The following DNAH11 variants were observed in gnomAD, a reference collection of about 807,000 sequenced individuals.
DNAH11 encodes axonemal beta dynein heavy chain 11.
A neutral mutation model predicts 526.0 loss-of-function variants in DNAH11; 442 were observed. The observed-to-expected ratio is 0.84, with a 90% CI of 0.78 to 0.91. The LOEUF (loss-of-function observed/expected upper bound fraction) is 0.91, where lower values mean the gene tolerates loss of function less well. DNAH11 is among the 40% of genes least tolerant of loss of function. The pLI is 0.00. For synonymous variants in DNAH11, 2,461 were observed against 1,935.9 expected, an observed-to-expected ratio of 1.27 and a Z score of -7.12; for missense variants, 6,989 against 5,448.7, an observed-to-expected ratio of 1.28 and a Z score of -8.90.
At chr7:21,778,519 G>A (rs560523580) in intron 56 of DNAH11, among the ~76,000 whole-genome samples, 16 of 152,146 alleles carry the variant, frequency 1.1e-4, no homozygotes, top group Non-Finnish European at 2.1e-4. Context: ...GAGCATTCAT[G>A]TCGTCAACTT....
intron 39 of DNAH11, among the ~76,000 whole-genome samples, chr7:21,707,172 C>G (rs977925475): frequency 1.3e-5 from 2 of 152,188 alleles, no homozygotes; most frequent in African/African-American, 4.8e-5. Context: ...GTCTCTAGGT[C>G]TCAAAGCATG....
At chr7:21,723,008 C>G (rs1288354254) in intron 44 of DNAH11, among the ~76,000 whole-genome samples, 1 of 152,190 alleles carries the variant, frequency 6.6e-6, no homozygotes, top group Non-Finnish European at 1.5e-5. Context: ...CTGGATATCA[C>G]TGGCACCTTC....
chr7:21,802,349 C>T (rs547410010), intron 62 of DNAH11, among the ~76,000 whole-genome samples: 85 of 152,174 alleles, frequency 5.6e-4, no homozygotes, highest in Non-Finnish European at 9.0e-4. Context: ...TATTGGCAAA[C>T]GCTATGGGGA....
chr7:21,665,188 T>C (rs1230790337), intron 30 of DNAH11, among the ~76,000 whole-genome samples: 3 of 152,010 alleles, frequency 2.0e-5, no homozygotes, highest in Non-Finnish European at 4.4e-5. Context: ...ACCTTTCTCA[T>C]GTTTGGCTAT....
intron 30 of DNAH11, among the ~76,000 whole-genome samples, chr7:21,666,770 G>A (rs963952761): frequency 1.1e-4 from 16 of 149,550 alleles, no homozygotes; most frequent in Non-Finnish European, 2.4e-4. Flanking sequence ...TTTTTTTTTG[G>A]CCTTTATATA....
chr7:21,637,513 T>G, intron 26 of DNAH11, 98 bp from the exon 27 acceptor site: 1 of 876,706 alleles, frequency 1.1e-6, no homozygotes, highest in Non-Finnish European at 1.9e-6. Context: ...ACCTTGCCTC[T>G]TCATTCTTTG....
intron 20 of DNAH11, among the ~76,000 whole-genome samples, chr7:21,607,779 TAAA>T (rs930863000): frequency 1.4e-5 from 2 of 148,068 alleles, no homozygotes; most frequent in African/African-American, 5.0e-5. Context: ...AAATAAAAAT[TAAA>T]AAAAAAATTG....
intron 25 of DNAH11, among the ~76,000 whole-genome samples, chr7:21,634,172 G>T (rs1222650668): frequency 3.9e-5 from 6 of 152,206 alleles, no homozygotes; most frequent in Admixed American, 3.3e-4. Flanking sequence ...TTTATTCAGT[G>T]TGAAGGACAT....
chr7:21,711,563 T>G, intron 41 of DNAH11, 149 bp from the exon 42 acceptor site: 1 of 1,090,794 alleles, frequency 9.2e-7, no homozygotes, highest in South Asian at 2.5e-5. Flanking sequence ...ATCTCAGGGG[T>G]GAGCTTAGAT....
intron 73 of DNAH11, among the ~76,000 whole-genome samples, chr7:21,872,122 T>C (rs1349485945): frequency 2.0e-4 from 1 of 4,972 alleles, no homozygotes; most frequent in African/African-American, 5.7e-4. Flanking sequence ...AGACTCTGTC[T>C]CAAAAAAAAA....
chr7:21,580,484 C>T (rs1487685735), intron 8 of DNAH11, among the ~76,000 whole-genome samples: 2 of 152,144 alleles, frequency 1.3e-5, no homozygotes, highest in Non-Finnish European at 2.9e-5. Flanking sequence ...GCATAAGGTG[C>T]CCTCTGTTTA....
chr7:21,842,842 C>T, intron 66 of DNAH11, 94 bp downstream of exon 66: 1 of 1,062,974 alleles, frequency 9.4e-7, no homozygotes, highest in Non-Finnish European at 1.3e-6. Context: ...GGATTCCTGC[C>T]CTCTAGAATC....
Position 21,629,126 on chromosome 7 carries a change from A to G in DNAH11, c.4501-6745A>G, listed in dbSNP as rs141540987. Among the ~76,000 whole-genome samples, 77 of 152,148 alleles carry G rather than the reference A, an allele frequency of 5.1e-4. No individual in the cohort carries two copies. The Middle Eastern group carries it at 0.014, about 27-fold the overall frequency. On this transcript the variant is annotated intron_variant, in intron 25 of 81. Transcript: ENST00000409508. ...TATTTCCATTTTAATTTGTTTCAGA[A>G]AATTTTTACATTTGCTTCTTAATTT...
chr7:21,801,532 G>A (rs1458704844), intron 62 of DNAH11, among the ~76,000 whole-genome samples: 2 of 152,156 alleles, frequency 1.3e-5, no homozygotes, highest in Non-Finnish European at 2.9e-5. Context: ...TACTTTATCA[G>A]AATTTAGTGG....
intron 81 of DNAH11, 79 bp from the exon 82 acceptor site, chr7:21,900,928 T>C (rs1448777325): frequency 5.7e-6 from 8 of 1,401,690 alleles, no homozygotes; most frequent in Middle Eastern, 1.9e-4. Context: ...TGAATGTTTA[T>C]TGCATCAAAC....
At chr7:21,813,876 C>A (rs1221513307) in intron 63 of DNAH11, among the ~76,000 whole-genome samples, 1 of 152,092 alleles carries the variant, frequency 6.6e-6, no homozygotes, top group Non-Finnish European at 1.5e-5. Context: ...GCTGCAGACT[C>A]CAAGAAATTC....
chr7:21,631,739 C>G (rs894493733), intron 25 of DNAH11, among the ~76,000 whole-genome samples: 5 of 152,190 alleles, frequency 3.3e-5, no homozygotes, highest in African/African-American at 9.6e-5. Context: ...GGTACAGTCT[C>G]CCTCCCGGCT....
At chr7:21,724,339 G>A (rs1225848325) in intron 44 of DNAH11, among the ~76,000 whole-genome samples, 5 of 152,280 alleles carry the variant, frequency 3.3e-5, no homozygotes, top group African/African-American at 1.2e-4. Flanking sequence ...CTCTCAGCTG[G>A]TTTGGAAGAT....
chr7:21,869,018 C>G (rs755086220), intron 73 of DNAH11, 27 bp downstream of exon 73: 1 of 1,613,298 alleles, frequency 6.2e-7, no homozygotes, highest in Non-Finnish European at 8.5e-7. Flanking sequence ...AGGGAAGACA[C>G]TGGGCATAAA....
Sources: gnomAD v4.1 joint callset for allele counts (sites outside exome capture counted in the v4.1 genomes callset) on GRCh38, gnomAD v4.1.1 for gene constraint, MANE v1.5 for transcripts, NCBI Gene and HGNC (gene_info 2026-07-23, HGNC 2026-07-21) for gene names.